Variants in CDK5RAP2 observed in about 807,000 individuals in gnomAD.
The protein encoded by CDK5RAP2 is CDK5 regulatory subunit-associated protein 2.
Under a neutral mutation model 232.9 loss-of-function variants are expected in CDK5RAP2, and 147 were observed. That is an observed-to-expected ratio of 0.63 (90% confidence interval 0.55 to 0.72). CDK5RAP2 has a LOEUF of 0.72. Ranked by LOEUF, CDK5RAP2 falls within the 30% of genes least tolerant of loss-of-function variation. The pLI is 0.00. For missense variants in CDK5RAP2, 2,195 were observed against 2,231.5 expected (o/e 0.98, Z 0.33); for synonymous variants, 833 against 833.7 (o/e 1.00, Z 0.01).
At chr9:120,555,142 G>T (rs934704099) in intron 3 of CDK5RAP2, among the ~76,000 whole-genome samples, 137 of 149,928 alleles carry the variant, frequency 9.1e-4, no homozygotes, top group Non-Finnish European at 1.5e-3. Context: ...TTTTGGGGGG[G>T]GGTGGGGGGC....
intron 11 of CDK5RAP2, among the ~76,000 whole-genome samples, chr9:120,522,439 C>T (rs1214103184): frequency 2.0e-5 from 3 of 152,028 alleles, no homozygotes; most frequent in Non-Finnish European, 4.4e-5. Context: ...TATTATGATC[C>T]TATTTAATTT....
chr9:120,546,177 G>T (rs1361310487), intron 4 of CDK5RAP2, among the ~76,000 whole-genome samples: 1 of 152,146 alleles, frequency 6.6e-6, no homozygotes. Flanking sequence ...ACTGGTGGTT[G>T]TTTACAATCA....
chr9:120,505,621 A>G (rs1290693801), intron 12 of CDK5RAP2, among the ~76,000 whole-genome samples: 1 of 152,376 alleles, frequency 6.6e-6, no homozygotes, highest in African/African-American at 2.4e-5. Flanking sequence ...CTGTGAATGC[A>G]AAGAAAAAAT....
intron 3 of CDK5RAP2, among the ~76,000 whole-genome samples, chr9:120,553,768 T>A (rs989214446): frequency 2.6e-5 from 4 of 152,196 alleles, no homozygotes; most frequent in Non-Finnish European, 5.9e-5. Context: ...TTATTTATTT[T>A]TTTATTTTTT....
Position 120,406,768 on chromosome 9 carries a change from G to A in CDK5RAP2, c.4963+244C>T, listed in dbSNP as rs969205580. ...GGGAGCAAGGCCAGAGGCACTGAGG[G>A]TGTCTGGAAGTCCAAATTCCACTTC... On this transcript the variant is annotated intron_variant, in intron 32 of 37. Coordinates refer to ENST00000349780, the MANE Select transcript of CDK5RAP2 (RefSeq NM_018249.6). 8 of 569,224 alleles carry A rather than the reference G, an allele frequency of 1.4e-5. 1 individual carries two copies. The Admixed American group carries it at 1.5e-4, about 11-fold the overall frequency. 35.3% of individuals were successfully genotyped at this position (569,224 alleles called of 1,614,324 possible).
chr9:120,550,589 A>G (rs2042007644), intron 4 of CDK5RAP2, among the ~76,000 whole-genome samples: 1 of 152,236 alleles, frequency 6.6e-6, no homozygotes, highest in African/African-American at 2.4e-5. Context: ...AAAGACAGTG[A>G]AAGACTTTCT....
intron 27 of CDK5RAP2, among the ~76,000 whole-genome samples, chr9:120,418,761 T>C (rs1017332731): frequency 1.3e-5 from 2 of 152,224 alleles, no homozygotes; most frequent in Non-Finnish European, 2.9e-5. Context: ...ACGCCAACAA[T>C]GTGGACTTCA....
intron 15 of CDK5RAP2, among the ~76,000 whole-genome samples, chr9:120,475,679 C>T (rs1245132008): frequency 6.6e-6 from 1 of 152,156 alleles, no homozygotes; most frequent in Admixed American, 6.5e-5. Context: ...GAGAGTGACG[C>T]CTACTCCCAG....
At chr9:120,400,539 C>G (rs552947740) in intron 35 of CDK5RAP2, among the ~76,000 whole-genome samples, 2 of 152,332 alleles carry the variant, frequency 1.3e-5, no homozygotes, top group Non-Finnish European at 2.9e-5. Context: ...AACAAAGACA[C>G]GCTCAGACGG....
At chr9:120,421,905 A>C (rs1311788444) in intron 26 of CDK5RAP2, among the ~76,000 whole-genome samples, 1 of 152,250 alleles carries the variant, frequency 6.6e-6, no homozygotes, top group Non-Finnish European at 1.5e-5. Context: ...GCAAATATGC[A>C]ACTCTGACCC....
At chr9:120,490,169 G>A (rs1038157463) in intron 13 of CDK5RAP2, among the ~76,000 whole-genome samples, 1 of 152,154 alleles carries the variant, frequency 6.6e-6, no homozygotes, top group African/African-American at 2.4e-5. Flanking sequence ...TACTTTTAGG[G>A]GTTAGAAGTG....
In CDK5RAP2 at chr9:120,439,866, C is replaced by A; in HGVS notation, c.3255G>T (p.Lys1085Asn). The stretch of plus-strand genomic sequence containing the variant: ...CACTGACTTTAGCAGAAGGCTGACT[C>A]TTGGAACTCAGGTAAGTAGCTACTG... ...PTSVATYLSSKSQPSAKVSVM... is the reference protein window; with the variant it reads ...PTSVATYLSSNSQPSAKVSVM... Residue 1085 changes from lysine (K) to asparagine (N), a missense_variant, in exon 24 of 38, where the codon AAG becomes AAT. Coordinates refer to ENST00000349780, the MANE Select transcript of CDK5RAP2 (RefSeq NM_018249.6). 1 of 1,614,208 alleles carries A rather than the reference C, an allele frequency of 6.2e-7. No homozygotes were observed.
chr9:120,389,152 CAATA>C lies in CDK5RAP2; in HGVS notation c.*80_*83del. 8.7e-7 allele frequency: 1 copy of C among 1,150,152 alleles called. No individual in the cohort carries two copies. The allele number at this position is 1,150,152 out of a possible 1,614,324, so 71.2% of individuals were successfully genotyped here. On this transcript the variant is annotated 3_prime_UTR_variant, in exon 38 of 38. Transcript: ENST00000349780. ...TTTGGCCAGACAGCTCTTTCTTCCT[CAATA>C]AATAGGAACCACACTTGGAACAAAG...
chr9:120,419,399 G>A (rs1275262852), intron 27 of CDK5RAP2, among the ~76,000 whole-genome samples: 3 of 152,166 alleles, frequency 2.0e-5, no homozygotes, highest in Non-Finnish European at 4.4e-5. Flanking sequence ...TATCAGAACA[G>A]GGGGCTAGAT....
intron 31 of CDK5RAP2, 113 bp downstream of exon 31, chr9:120,408,234 C>G: frequency 7.8e-7 from 1 of 1,277,690 alleles, no homozygotes; most frequent in Non-Finnish European, 1.1e-6. Flanking sequence ...CCACTCTACC[C>G]ACAAGGCCAG....
chr9:120,566,389 T>G (rs1343893281), intron 3 of CDK5RAP2, among the ~76,000 whole-genome samples: 1 of 152,118 alleles, frequency 6.6e-6, no homozygotes, highest in Non-Finnish European at 1.5e-5. Context: ...ACCAAAGGAC[T>G]ACAGTCATAA....
chr9:120,545,357 C>G (rs2041799048), intron 5 of CDK5RAP2, among the ~76,000 whole-genome samples: 1 of 152,088 alleles, frequency 6.6e-6, no homozygotes, highest in Non-Finnish European at 1.5e-5. Flanking sequence ...TAAAAACAGG[C>G]AGAACTAACA....
intron 11 of CDK5RAP2, among the ~76,000 whole-genome samples, chr9:120,519,375 T>C (rs560960705): frequency 1.3e-5 from 2 of 152,160 alleles, no homozygotes; most frequent in South Asian, 4.1e-4. Flanking sequence ...ATGAAGACCT[T>C]CATTTGAAAA....
At chr9:120,535,902 A>C (rs766037339) in intron 7 of CDK5RAP2, among the ~76,000 whole-genome samples, 40 of 152,224 alleles carry the variant, frequency 2.6e-4, no homozygotes, top group Non-Finnish European at 4.1e-4. Flanking sequence ...AAGTCACACG[A>C]AATTCACTGT....
Sources: gnomAD v4.1 joint callset for allele counts (sites outside exome capture counted in the v4.1 genomes callset) on GRCh38, gnomAD v4.1.1 for gene constraint, MANE v1.5 for transcripts, NCBI Gene and HGNC (gene_info 2026-07-23, HGNC 2026-07-21) for gene names.